FBXL17: variants seen among roughly 807,000 people sequenced by gnomAD.
The protein encoded by FBXL17 is F-box/LRR-repeat protein 17.
A neutral mutation model predicts 66.2 loss-of-function variants in FBXL17; 22 were observed. The ratio of observed to expected loss-of-function variants is 0.33; its 90% CI spans 0.24 to 0.47. The LOEUF is 0.47. Ranked by LOEUF, FBXL17 falls within the 20% of genes least tolerant of loss-of-function variation. FBXL17 has a pLI of 1.00. For missense variants in FBXL17, 878 were observed against 948.2 expected (o/e 0.93, Z 0.97); for synonymous variants, 474 against 400.5 (o/e 1.18, Z -2.19).
At chr5:108,346,789 T>C (rs2112466107) in intron 4 of FBXL17, among the ~76,000 whole-genome samples, 1 of 152,230 alleles carries the variant, frequency 6.6e-6, no homozygotes, top group East Asian at 1.9e-4. Context: ...CATTTACAAA[T>C]GAGGTGTAAA....
chr5:107,969,466 A>G (rs975774124), intron 7 of FBXL17, among the ~76,000 whole-genome samples: 2 of 152,216 alleles, frequency 1.3e-5, no homozygotes, highest in African/African-American at 4.8e-5. Context: ...AAATAAAGAT[A>G]TCTTTCTTCA....
chr5:107,953,340 T>A (rs1751560573), intron 7 of FBXL17, among the ~76,000 whole-genome samples: 1 of 143,320 alleles, frequency 7.0e-6, no homozygotes, highest in South Asian at 2.3e-4. Context: ...GAAGTGGAGC[T>A]TGCAGTGAGC....
chr5:108,342,400 T>A (rs1159071019), intron 4 of FBXL17, among the ~76,000 whole-genome samples: 1 of 152,198 alleles, frequency 6.6e-6, no homozygotes, highest in East Asian at 1.9e-4. Flanking sequence ...AATTTTTAAA[T>A]ACACTTCTGC....
chr5:107,864,467 T>G (rs1291443396), intron 8 of FBXL17, among the ~76,000 whole-genome samples: 1 of 152,196 alleles, frequency 6.6e-6, no homozygotes, highest in Non-Finnish European at 1.5e-5. Context: ...AGTCCAGGTT[T>G]TAAGTAACTA....
At chr5:108,028,100 C>T (rs2112779124) in intron 6 of FBXL17, among the ~76,000 whole-genome samples, 1 of 152,146 alleles carries the variant, frequency 6.6e-6, no homozygotes, top group East Asian at 1.9e-4. Flanking sequence ...AAGCTCAGGA[C>T]CCTAGAAAAG....
At chr5:108,075,236 A>G (rs1425591864) in intron 6 of FBXL17, among the ~76,000 whole-genome samples, 1 of 151,902 alleles carries the variant, frequency 6.6e-6, no homozygotes, top group East Asian at 1.9e-4. Flanking sequence ...TATCTAAATG[A>G]AACTGGTCTT....
chr5:108,137,875 C>T lies in FBXL17; in HGVS notation c.1745+48242G>A, dbSNP rs372401681. Among the ~76,000 whole-genome samples, 93 of 152,254 alleles carry T rather than the reference C, an allele frequency of 6.1e-4. 1 individual carries two copies. In the South Asian group the frequency reaches 0.013, roughly 21 times the overall value. ...GAACTGGATGAGTTGCTAAGAAATACATTATCTATGCCTAGACTATCGATA... is the reference window on the plus strand; with the variant it reads ...GAACTGGATGAGTTGCTAAGAAATATATTATCTATGCCTAGACTATCGATA... On this transcript the variant is annotated intron_variant, in intron 6 of 8. Coordinates refer to ENST00000542267, the MANE Select transcript of FBXL17 (RefSeq NM_001163315.3).
At chr5:107,908,871 T>C (rs552457810) in intron 7 of FBXL17, among the ~76,000 whole-genome samples, 1 of 152,260 alleles carries the variant, frequency 6.6e-6, no homozygotes, top group East Asian at 1.9e-4. Context: ...TTGAACTGTA[T>C]TAATGGCCCC....
intron 7 of FBXL17, among the ~76,000 whole-genome samples, chr5:107,971,224 C>A (rs1752359717): frequency 6.6e-6 from 1 of 152,132 alleles, no homozygotes; most frequent in Non-Finnish European, 1.5e-5. Flanking sequence ...AAAGCACACA[C>A]AAGCACACAT....
chr5:108,102,585 C>T (rs899425318), intron 6 of FBXL17, among the ~76,000 whole-genome samples: 1 of 152,076 alleles, frequency 6.6e-6, no homozygotes, highest in African/African-American at 2.4e-5. Context: ...TCCATTTTAG[C>T]TTAGGCTACT....
chr5:108,083,207 C>G (rs1406703901), intron 6 of FBXL17, among the ~76,000 whole-genome samples: 1 of 128,014 alleles, frequency 7.8e-6, no homozygotes, highest in Admixed American at 8.0e-5. Flanking sequence ...TCTCCCTCAC[C>G]CTCACCTCAG....
rs566232313 is a variant in FBXL17 at position 108,010,346 on chromosome 5, A to C, written c.1822+10579T>G. On this transcript the variant is annotated intron_variant, in intron 7 of 8. Transcript: ENST00000542267. The stretch of plus-strand genomic sequence containing the variant: ...TAAAATGTAAAATTACTTCTTCCCA[A>C]GTCCCACCTCTAACTTCTCCAAAAG... 7.2e-5 allele frequency among the ~76,000 whole-genome samples: 11 copies of C among 152,312 alleles called. No homozygotes were observed. In the South Asian group the frequency reaches 1.4e-3, roughly 20 times the overall value.
chr5:108,134,959 A>G (rs1206836564), intron 6 of FBXL17, among the ~76,000 whole-genome samples: 1 of 152,182 alleles, frequency 6.6e-6, no homozygotes, highest in Non-Finnish European at 1.5e-5. Context: ...GACATCTTCT[A>G]AATATATTTT....
intron 5 of FBXL17, among the ~76,000 whole-genome samples, chr5:108,215,855 C>A (rs1561469321): frequency 6.6e-6 from 1 of 151,998 alleles, no homozygotes; most frequent in Non-Finnish European, 1.5e-5. Context: ...GTCTTTGAAC[C>A]ATGTTATAGT....
rs1467605055 is a variant in FBXL17 at position 107,922,253 on chromosome 5, T to C, written c.1823-41074A>G. On this transcript the variant is annotated intron_variant, in intron 7 of 8. Coordinates refer to ENST00000542267, the MANE Select transcript of FBXL17 (RefSeq NM_001163315.3). ...TTTCTTCATGTAATACATTACAATG[T>C]CTGAAAAATCAATGTCCTAGGGCAC... Among the ~76,000 whole-genome samples, 3 of 152,204 alleles carry C rather than the reference T, an allele frequency of 2.0e-5. No homozygotes were observed. In the East Asian group the frequency reaches 5.8e-4, roughly 29 times the overall value.
chr5:107,974,079 G>C (rs551209891), intron 7 of FBXL17, among the ~76,000 whole-genome samples: 1 of 152,200 alleles, frequency 6.6e-6, no homozygotes, highest in South Asian at 2.1e-4. Flanking sequence ...TTATAACCAA[G>C]GTTTTGCAAA....
chr5:107,904,301 G>A (rs1749677108), intron 7 of FBXL17, among the ~76,000 whole-genome samples: 1 of 152,114 alleles, frequency 6.6e-6, no homozygotes, highest in African/African-American at 2.4e-5. Context: ...TGGCCTCCAA[G>A]TTCAAATCAG....
At chr5:107,931,265 T>A (rs1044681742) in intron 7 of FBXL17, among the ~76,000 whole-genome samples, 4 of 151,024 alleles carry the variant, frequency 2.6e-5, no homozygotes, top group Non-Finnish European at 4.4e-5. Context: ...GAATTTTTTT[T>A]TTTTTTTTTT....
At chr5:107,959,019 G>A (rs1561339557) in intron 7 of FBXL17, among the ~76,000 whole-genome samples, 1 of 152,210 alleles carries the variant, frequency 6.6e-6, no homozygotes, top group Non-Finnish European at 1.5e-5. Context: ...GCATCAGGAA[G>A]TGACTTGAAT....
Sources: allele counts gnomAD v4.1 joint callset (sites outside exome capture counted in the v4.1 genomes callset), GRCh38; gene constraint gnomAD v4.1.1; transcripts MANE v1.5; gene names NCBI Gene and HGNC (gene_info 2026-07-23, HGNC 2026-07-21).